TLCD4: variants seen among roughly 807,000 people sequenced by gnomAD.
The protein encoded by TLCD4 is TLC domain containing 4.
Under a neutral mutation model 24.2 loss-of-function variants are expected in TLCD4, and 7 were observed. The ratio of observed to expected loss-of-function variants is 0.29; its 90% CI spans 0.16 to 0.54. The LOEUF (loss-of-function observed/expected upper bound fraction) is 0.54, where lower values mean the gene tolerates loss of function less well. Among genes scored for constraint, TLCD4 ranks in the 20% least tolerant of loss-of-function variants. The pLI is 0.95. For synonymous variants in TLCD4, 103 were observed against 106.4 expected (o/e 0.97, Z 0.20); for missense variants, 259 against 313.9 (o/e 0.82, Z 1.32).
At chr1:95,140,857 C>A (rs1677180179) in intron 1 of TLCD4, 1 of 152,140 alleles carries the variant, frequency 6.6e-6, no homozygotes, top group Admixed American at 6.6e-5. Flanking sequence ...CACTTTTTAC[C>A]ATTTTTCTTG....
chr1:95,130,300 G>A (rs1347996142), intron 1 of TLCD4, among the ~76,000 whole-genome samples: 2 of 147,198 alleles, frequency 1.4e-5, no homozygotes, highest in Non-Finnish European at 3.0e-5. Context: ...CTACAGGCAC[G>A]TGCCTCCATA....
At chr1:95,141,774 AT>A (rs1404779294) in intron 1 of TLCD4, among the ~76,000 whole-genome samples, 1 of 145,404 alleles carries the variant, frequency 6.9e-6, no homozygotes, top group East Asian at 2.0e-4. Context: ...GAATTGTAAT[AT>A]CAATATTTTT....
chr1:95,168,359 C>T (rs546248117), intron 5 of TLCD4, among the ~76,000 whole-genome samples: 3 of 152,038 alleles, frequency 2.0e-5, no homozygotes, highest in Non-Finnish European at 2.9e-5. Flanking sequence ...CCACATTCCC[C>T]TGCCTCTTCT....
the TLCD4 span, among the ~76,000 whole-genome samples, chr1:95,101,766 C>T: frequency 6.6e-6 from 1 of 152,106 alleles, no homozygotes; most frequent in African/African-American, 2.4e-5. Context: ...TATACATTTG[C>T]TTAAACTCTC....
At chr1:95,118,116 C>G (rs1417172879) in intron 1 of TLCD4, 1 of 152,406 alleles carries the variant, frequency 6.6e-6, no homozygotes, top group Non-Finnish European at 1.5e-5. Flanking sequence ...CCCGCCGCCA[C>G]CTTCTGAAAC....
intron 6 of TLCD4, among the ~76,000 whole-genome samples, chr1:95,188,389 GAAAAAAA>G (rs60956010): frequency 2.9e-5 from 3 of 104,506 alleles, no homozygotes; most frequent in East Asian, 2.9e-4. Context: ...CTCCGTCTCA[GAAAAAAA>G]AAAAAAAAAA....
In TLCD4 at chr1:95,143,918, A is replaced by C; in HGVS notation, c.17A>C (p.Lys6Thr). Reference sequence around the variant, plus strand: ...TGAAGAAATATGGAGATCAACACAAAACTGCTCATCAGTGTTACCTGTATC... The same window carrying C: ...TGAAGAAATATGGAGATCAACACAACACTGCTCATCAGTGTTACCTGTATC... MEINT[K>T]LLISVTCISF... Residue 6 changes from lysine (K) to threonine (T), a missense_variant, in exon 2 of 7, where the codon AAA becomes ACA. Transcript: ENST00000370203. 6.7e-7 allele frequency: 1 copy of C among 1,481,832 alleles called. No homozygotes were observed. Among genetic ancestry groups the C allele is most frequent in the Non-Finnish European group, 9.0e-7 (1 of 1,116,192 alleles). 91.8% of individuals were successfully genotyped at this position (1,481,832 alleles called of 1,614,324 possible).
At chr1:95,159,742 G>A (rs1166127204) in intron 5 of TLCD4, among the ~76,000 whole-genome samples, 1 of 152,144 alleles carries the variant, frequency 6.6e-6, no homozygotes, top group Non-Finnish European at 1.5e-5. Context: ...AGTTTTCCCA[G>A]CACCATTTAT....
intron 6 of TLCD4, among the ~76,000 whole-genome samples, chr1:95,182,287 A>G (rs1678673716): frequency 6.6e-6 from 1 of 151,620 alleles, no homozygotes; most frequent in Non-Finnish European, 1.5e-5. Context: ...TTTTTCAAGT[A>G]AAAATGGCAG....
At chr1:95,188,204 G>A (rs983213135) in intron 6 of TLCD4, among the ~76,000 whole-genome samples, 6 of 151,924 alleles carry the variant, frequency 3.9e-5, no homozygotes, top group Non-Finnish European at 8.8e-5. Context: ...TGGCTAACAC[G>A]GTGAAACCCC....
At chr1:95,109,568 A>G in the TLCD4 span, among the ~76,000 whole-genome samples, 1 of 150,380 alleles carries the variant, frequency 6.6e-6, no homozygotes, top group Admixed American at 6.6e-5. Flanking sequence ...GCTTACTGCA[A>G]CCTCCGCCTC....
chr1:95,143,418 A>AT (rs956091643), intron 1 of TLCD4, among the ~76,000 whole-genome samples: 1 of 151,982 alleles, frequency 6.6e-6, no homozygotes. Context: ...TTATGGAATT[A>AT]TTTTTTGTTT....
chr1:95,098,949 T>G, the TLCD4 span, among the ~76,000 whole-genome samples: 1 of 147,150 alleles, frequency 6.8e-6, no homozygotes, highest in Non-Finnish European at 1.5e-5. Flanking sequence ...TAATCCCAGC[T>G]GCTCGGGAGG....
chr1:95,140,942 T>C lies in TLCD4; in HGVS notation c.-11-2949T>C, dbSNP rs551841141. On this transcript the variant is annotated intron_variant, in intron 1 of 6. Coordinates refer to ENST00000370203, the MANE Select transcript of TLCD4 (RefSeq NM_152487.3). ...GAAGCCTTGGTTTTCTGGGGAAATTTGTAAAGATCTCTAGATTAGTTCTTG... is the reference window on the plus strand; with the variant it reads ...GAAGCCTTGGTTTTCTGGGGAAATTCGTAAAGATCTCTAGATTAGTTCTTG... Among the ~76,000 whole-genome samples, 4 of 152,352 alleles carry C rather than the reference T, an allele frequency of 2.6e-5. No homozygotes were observed. The South Asian group carries it at 8.3e-4, about 32-fold the overall frequency.
At chr1:95,186,389 G>T (rs1452490022) in intron 6 of TLCD4, among the ~76,000 whole-genome samples, 1 of 152,234 alleles carries the variant, frequency 6.6e-6, no homozygotes, top group Admixed American at 6.5e-5. Context: ...GAGTGGGTGA[G>T]ATAGATGAAG....
chr1:95,149,524 A>G (rs1213430913), intron 3 of TLCD4, among the ~76,000 whole-genome samples: 1 of 152,130 alleles, frequency 6.6e-6, no homozygotes. Flanking sequence ...ACGTTTTTCT[A>G]TTCATAAATA....
chr1:95,137,770 G>C (rs147139675), intron 1 of TLCD4, among the ~76,000 whole-genome samples: 2 of 142,168 alleles, frequency 1.4e-5, no homozygotes, highest in African/African-American at 5.1e-5. Context: ...CGTCTTGCAC[G>C]GTCACCCAGG....
chr1:95,118,235 T>A (rs1676483287), intron 1 of TLCD4: 2 of 152,126 alleles, frequency 1.3e-5, no homozygotes, highest in South Asian at 4.1e-4. Flanking sequence ...AGGGAGAAAT[T>A]GGTTTCTATT....
chr1:95,191,442 G>C, intron 6 of TLCD4, 108 bp from the exon 7 acceptor site: 10 of 1,360,732 alleles, frequency 7.3e-6, no homozygotes, highest in Non-Finnish European at 9.8e-6. Context: ...GCTATTCTAG[G>C]CCCTTTGCTC....
Sources: gnomAD v4.1 joint callset for allele counts (sites outside exome capture counted in the v4.1 genomes callset) on GRCh38, gnomAD v4.1.1 for gene constraint, MANE v1.5 for transcripts, NCBI Gene and HGNC (gene_info 2026-07-23, HGNC 2026-07-21) for gene names.